The following DCDC1 variants were observed in gnomAD, a reference collection of about 807,000 sequenced individuals.
DCDC1 encodes the protein doublecortin domain containing 1.
A neutral mutation model predicts 178.3 loss-of-function variants in DCDC1; 200 were observed. That is an observed-to-expected ratio of 1.12 (90% CI 1.00 to 1.26). The LOEUF is 1.26. DCDC1 is among the 50% of genes most tolerant of loss of function. DCDC1 has a pLI of 0.00. For missense variants in DCDC1, 1,983 were observed against 1,749.2 expected, an observed-to-expected ratio of 1.13 and a Z score of -2.38; for synonymous variants, 690 against 604.8, an observed-to-expected ratio of 1.14 and a Z score of -2.07.
intron 20 of DCDC1, among the ~76,000 whole-genome samples, chr11:31,018,216 G>A (rs1265145426): frequency 6.6e-6 from 1 of 152,070 alleles, no homozygotes; most frequent in South Asian, 2.1e-4. Flanking sequence ...ATGTTTAATG[G>A]CGTTTATACC....
At chr11:31,187,671 TTAGCAA>T (rs2136326470) in intron 9 of DCDC1, among the ~76,000 whole-genome samples, 1 of 152,324 alleles carries the variant, frequency 6.6e-6, no homozygotes, top group Admixed American at 6.5e-5. Flanking sequence ...CTGATGTTTT[TTAGCAA>T]ATTGAAGTCC....
intron 9 of DCDC1, among the ~76,000 whole-genome samples, chr11:31,213,137 CTCTCTCTCTCTCTCTCTCTCTCTCTGCTT>C (rs1972929622): frequency 7.1e-6 from 1 of 141,458 alleles, no homozygotes; most frequent in African/African-American, 2.7e-5. Context: ...CTCTCTCTCT[CTCTCTCTCTCTCTCTCTCTCTCTCTGCTT>C]TCTTTACCAG....
chr11:31,111,080 G>A (rs530827782), intron 11 of DCDC1, among the ~76,000 whole-genome samples: 22 of 152,208 alleles, frequency 1.4e-4, no homozygotes, highest in African/African-American at 5.3e-4. Flanking sequence ...CCAACCACGC[G>A]GAGGATCCAT....
At chr11:30,980,578 T>C (rs1265928134) in intron 20 of DCDC1, among the ~76,000 whole-genome samples, 1 of 152,188 alleles carries the variant, frequency 6.6e-6, no homozygotes, top group Non-Finnish European at 1.5e-5. Context: ...GATAGAGTTG[T>C]GGCTGTGCAG....
At chr11:30,886,452 C>T (rs1943178501) in intron 36 of DCDC1, among the ~76,000 whole-genome samples, 1 of 152,118 alleles carries the variant, frequency 6.6e-6, no homozygotes, top group Non-Finnish European at 1.5e-5. Context: ...TTATTTCTTG[C>T]AGTTCTGGAG....
At position 31,306,241 on chromosome 11, in the gene DCDC1, G is replaced by GGTT. The variant is rs1421215347; in HGVS notation, c.579_581dup (p.Thr194dup). 2 of 1,568,776 alleles carry GGTT rather than the reference G, an allele frequency of 1.3e-6. No homozygotes were observed. Among genetic ancestry groups the GGTT allele is most frequent in the Non-Finnish European group, 1.7e-6 (2 of 1,158,138 alleles). On this transcript the variant is annotated inframe_insertion, in exon 5 of 39. Transcript: ENST00000684477. ...TTGGAACACTAGTTACCAAGGTGAT[G>GGTT]GTTGGTACAGTAACTCTGGCAAAGA...
intron 7 of DCDC1, among the ~76,000 whole-genome samples, chr11:31,269,528 GGT>G (rs1945403408): frequency 6.6e-6 from 1 of 151,896 alleles, no homozygotes; most frequent in South Asian, 2.1e-4. Context: ...TGAGACAACA[GGT>G]GTACCATATG....
intron 35 of DCDC1, 107 bp from the exon 36 acceptor site, chr11:30,893,104 G>A: frequency 7.6e-7 from 1 of 1,318,538 alleles, no homozygotes; most frequent in Non-Finnish European, 1.0e-6. Context: ...AAATTATATG[G>A]AAAAAATTTT....
At chr11:31,207,714 T>A (rs1394062733) in intron 9 of DCDC1, among the ~76,000 whole-genome samples, 2 of 152,186 alleles carry the variant, frequency 1.3e-5, no homozygotes, top group African/African-American at 4.8e-5. Context: ...CAGCCCCTTC[T>A]ATTTCTCTAC....
chr11:31,245,860 G>C (rs769578252), intron 8 of DCDC1, among the ~76,000 whole-genome samples: 3 of 151,854 alleles, frequency 2.0e-5, no homozygotes, highest in Non-Finnish European at 4.4e-5. Context: ...AACTGTTCAG[G>C]CTTCAAGAGG....
chr11:31,141,666 T>C (rs958242889), intron 9 of DCDC1, among the ~76,000 whole-genome samples: 1 of 152,354 alleles, frequency 6.6e-6, no homozygotes, highest in South Asian at 2.1e-4. Flanking sequence ...TCAGCCTTCA[T>C]ATATATTGAC....
rs555519852 is a variant in DCDC1 at position 30,931,710 on chromosome 11, G to T, written c.2897+61C>A. On this transcript the variant is annotated intron_variant, in intron 22 of 38. Transcript: ENST00000684477. ...CCCACAGAAAAACATCCATAATTAA[G>T]AACACAAAATCTGTACAAACTAGAA... The T allele has an allele frequency of 1.3e-3, 1,914 of 1,446,790 alleles. 3 individuals carry two copies. Among genetic ancestry groups the T allele is most frequent in the Non-Finnish European group, 1.6e-3 (1,736 of 1,087,330 alleles). 89.6% of individuals were successfully genotyped at this position (1,446,790 alleles called of 1,614,324 possible). A position where few individuals can be genotyped will look rare whatever the true frequency, so the allele number is the denominator to read the frequency against.
At chr11:31,290,042 T>A (rs1219957362) in intron 7 of DCDC1, among the ~76,000 whole-genome samples, 1 of 152,044 alleles carries the variant, frequency 6.6e-6, no homozygotes, top group East Asian at 1.9e-4. Context: ...TTTTTTAATA[T>A]CAAAGATGTT....
intron 20 of DCDC1, among the ~76,000 whole-genome samples, chr11:30,993,253 A>G (rs1047000342): frequency 6.6e-6 from 1 of 152,124 alleles, no homozygotes; most frequent in African/African-American, 2.4e-5. Flanking sequence ...ATTTAAGTTA[A>G]TGTAGCTTTT....
intron 6 of DCDC1, among the ~76,000 whole-genome samples, chr11:31,305,035 T>C (rs1948361947): frequency 6.6e-6 from 1 of 152,158 alleles, no homozygotes; most frequent in Admixed American, 6.6e-5. Flanking sequence ...AATGAACTTT[T>C]TGGAAAACCT....
chr11:31,339,789 A>G (rs975370701), intron 1 of DCDC1, among the ~76,000 whole-genome samples: 21 of 152,204 alleles, frequency 1.4e-4, no homozygotes, highest in African/African-American at 4.8e-4. Flanking sequence ...AGTTTTGACA[A>G]ATTTTCAATG....
chr11:31,064,982 A>T (rs1479724928), intron 19 of DCDC1, 37 bp downstream of exon 19: 1 of 703,116 alleles, frequency 1.4e-6, no homozygotes, highest in Admixed American at 2.3e-5. Context: ...TATTTTAGAG[A>T]GCTATTTCTG....
chr11:30,926,173 C>A lies in DCDC1; in HGVS notation c.2898-765G>T, dbSNP rs566518392. On this transcript the variant is annotated intron_variant, in intron 22 of 38. Coordinates refer to ENST00000684477, the MANE Select transcript of DCDC1 (RefSeq NM_001387274.1). The stretch of plus-strand genomic sequence containing the variant: ...AGAACAGAGGGGAAAACAATTTTTC[C>A]AGAGAAGCCTTATCTAAGGGAGTGG... Among the ~76,000 whole-genome samples the A allele has an allele frequency of 1.9e-4, 29 of 152,236 alleles. No homozygotes were observed. In the South Asian group the frequency reaches 3.5e-3, roughly 18 times the overall value.
At chr11:31,288,027 T>C (rs969680871) in intron 7 of DCDC1, among the ~76,000 whole-genome samples, 3 of 151,724 alleles carry the variant, frequency 2.0e-5, no homozygotes, top group Non-Finnish European at 4.4e-5. Context: ...AAGTAAGATA[T>C]AATTATTAAC....
Sources: allele counts gnomAD v4.1 joint callset (sites outside exome capture counted in the v4.1 genomes callset), GRCh38; gene constraint gnomAD v4.1.1; transcripts MANE v1.5; gene names NCBI Gene and HGNC (gene_info 2026-07-23, HGNC 2026-07-21).